The following TSPAN11 variants were observed in gnomAD, a reference collection of about 807,000 sequenced individuals.
TSPAN11 encodes tetraspanin 11, also known as tetraspanin-11.
TSPAN11 carries 29 observed loss-of-function variants against 32.9 expected under a neutral mutation model. The ratio of observed to expected loss-of-function variants is 0.88; its 90% CI spans 0.66 to 1.20. TSPAN11 has a LOEUF of 1.20. TSPAN11 is among the 50% of genes most tolerant of loss of function. The pLI, the probability that TSPAN11 is intolerant of heterozygous loss-of-function variation, is 0.00. For synonymous variants in TSPAN11, 140 were observed against 141.3 expected, an observed-to-expected ratio of 0.99 and a Z score of 0.07; for missense variants, 283 against 329.1, an observed-to-expected ratio of 0.86 and a Z score of 1.08.
chr12:30,941,018 C>T (rs957033358), intron 1 of TSPAN11, among the ~76,000 whole-genome samples: 1 of 152,180 alleles, frequency 6.6e-6, no homozygotes, highest in Admixed American at 6.5e-5. Flanking sequence ...CTCCACCATC[C>T]GTGGAAAAAT....
chr12:30,977,962 AGTCCACGCTG>A (rs1396123026), intron 3 of TSPAN11, among the ~76,000 whole-genome samples: 1 of 152,150 alleles, frequency 6.6e-6, no homozygotes, highest in East Asian at 1.9e-4. Context: ...TGGTTGTCAC[AGTCCACGCTG>A]GTCCCTGCAT....
chr12:30,991,314 C>T (rs1232451700), intron 7 of TSPAN11, among the ~76,000 whole-genome samples: 1 of 152,216 alleles, frequency 6.6e-6, no homozygotes, highest in Non-Finnish European at 1.5e-5. Context: ...GGCTCCTGTA[C>T]ACCAGCCAGA....
downstream of TSPAN11, among the ~76,000 whole-genome samples, chr12:30,998,135 T>C (rs1040552233): frequency 3.3e-5 from 5 of 151,078 alleles, no homozygotes; most frequent in Non-Finnish European, 7.4e-5. Flanking sequence ...AACACGAATG[T>C]ACCAAGAAGG....
chr12:30,963,923 CCT>C lies in TSPAN11; in HGVS notation c.183_184del (p.Tyr62HisfsTer42), dbSNP rs1565796583. 2.5e-6 allele frequency: 4 copies of C among 1,613,924 alleles called. No homozygotes were observed. Among genetic ancestry groups the C allele is most frequent in the Non-Finnish European group, 3.4e-6 (4 of 1,179,926 alleles). On this transcript the variant is annotated frameshift_variant, in exon 3 of 8. Transcript: ENST00000546076. LOFTEE classifies it high-confidence loss of function. ...GCCTCCAGCACCTTTGCCGCCTCCGCCTACATCCTCATCTTTGCGGGCGTACT... is the reference window on the plus strand; with the variant it reads ...GCCTCCAGCACCTTTGCCGCCTCCGCACATCCTCATCTTTGCGGGCGTACT...
chr12:30,990,584 C>T (rs1385997814), intron 7 of TSPAN11, among the ~76,000 whole-genome samples: 1 of 152,206 alleles, frequency 6.6e-6, no homozygotes, highest in Non-Finnish European at 1.5e-5. Context: ...GCAGTGTTCA[C>T]ACTCCACGCT....
At chr12:30,947,279 C>T (rs1453347913) in intron 1 of TSPAN11, among the ~76,000 whole-genome samples, 5 of 152,142 alleles carry the variant, frequency 3.3e-5, no homozygotes, top group Non-Finnish European at 2.9e-5. Context: ...GAAGTGGTTG[C>T]TAGAAATAGT....
At chr12:30,961,635 C>T (rs528652990) in intron 2 of TSPAN11, among the ~76,000 whole-genome samples, 32 of 152,074 alleles carry the variant, frequency 2.1e-4, no homozygotes, top group South Asian at 2.1e-3. Context: ...AGGACTGGGA[C>T]GGGGTGGAGG....
chr12:31,013,590 A>AAAAACAAAACAAAAC, the TSPAN11 span, among the ~76,000 whole-genome samples: 24,577 of 147,174 alleles, frequency 0.17, 2,432 homozygotes, highest in East Asian at 0.41. Flanking sequence ...TCCTGTCTCA[A>AAAAACAAAACAAAAC]AAAACAAAAC....
At chr12:31,003,889 C>T in the TSPAN11 span, among the ~76,000 whole-genome samples, 1 of 152,196 alleles carries the variant, frequency 6.6e-6, no homozygotes, top group African/African-American at 2.4e-5. Flanking sequence ...ACTCCCCACT[C>T]CCACCTGCCA....
the TSPAN11 span, among the ~76,000 whole-genome samples, chr12:31,007,981 C>T: frequency 2.0e-5 from 3 of 152,180 alleles, no homozygotes; most frequent in African/African-American, 7.2e-5. Context: ...GGGGCAGAGG[C>T]ATCTTGGTCA....
the TSPAN11 span, among the ~76,000 whole-genome samples, chr12:31,009,023 T>G: frequency 1.4e-4 from 21 of 152,300 alleles, 1 homozygote; most frequent in South Asian, 2.5e-3. Flanking sequence ...CCCCAATCGC[T>G]GTGTTAGACG....
chr12:30,963,010 A>G (rs186522638), intron 2 of TSPAN11, among the ~76,000 whole-genome samples: 58 of 152,332 alleles, frequency 3.8e-4, no homozygotes, highest in African/African-American at 1.3e-3. Flanking sequence ...CATCCCTGCT[A>G]TATTTCCCAA....
At chr12:30,990,875 G>C (rs547990223) in intron 7 of TSPAN11, among the ~76,000 whole-genome samples, 150 of 152,332 alleles carry the variant, frequency 9.8e-4, no homozygotes, top group African/African-American at 3.5e-3. Context: ...CTTTAGCCCA[G>C]TGCCCCCTCC....
At chr12:30,970,079 C>G (rs1565798778) in intron 3 of TSPAN11, among the ~76,000 whole-genome samples, 1 of 152,212 alleles carries the variant, frequency 6.6e-6, no homozygotes, top group African/African-American at 2.4e-5. Context: ...GCTGTACTAT[C>G]TCTCCCACAG....
At chr12:30,978,468 C>T in intron 3 of TSPAN11, 93 bp from the exon 4 acceptor site, 1 of 1,245,016 alleles carries the variant, frequency 8.0e-7, no homozygotes, top group Non-Finnish European at 1.2e-6. Flanking sequence ...GGGGTCCCAG[C>T]AGGTATCTCT....
chr12:30,982,249 G>A (rs1482384467), intron 5 of TSPAN11, among the ~76,000 whole-genome samples: 1 of 152,154 alleles, frequency 6.6e-6, no homozygotes, highest in African/African-American at 2.4e-5. Flanking sequence ...GACCCGTCCT[G>A]CCCCCAAGAC....
intron 7 of TSPAN11, among the ~76,000 whole-genome samples, chr12:30,990,881 C>T (rs1436291553): frequency 5.9e-5 from 9 of 152,202 alleles, no homozygotes; most frequent in South Asian, 2.1e-4. Flanking sequence ...CCCAGTGCCC[C>T]CTCCTGTGTG....
chr12:30,976,066 A>G (rs1938964704), intron 3 of TSPAN11, among the ~76,000 whole-genome samples: 1 of 152,032 alleles, frequency 6.6e-6, no homozygotes. Flanking sequence ...ACTCAGAAAC[A>G]AGGATGCCTC....
intron 7 of TSPAN11, among the ~76,000 whole-genome samples, chr12:30,983,727 T>G (rs1939144742): frequency 6.6e-6 from 1 of 152,208 alleles, no homozygotes. Context: ...AACAACCTTG[T>G]CATCATTCCC....
Sources: allele counts gnomAD v4.1 joint callset (sites outside exome capture counted in the v4.1 genomes callset), GRCh38; gene constraint gnomAD v4.1.1; transcripts MANE v1.5; gene names NCBI Gene and HGNC (gene_info 2026-07-23, HGNC 2026-07-21).